Variants in ANKRD54 observed in about 807,000 individuals in gnomAD.
ANKRD54 encodes ankyrin repeat domain 54.
ANKRD54 carries 26 observed loss-of-function variants against 36.2 expected under a neutral mutation model. The ratio of observed to expected loss-of-function variants is 0.72; its 90% CI spans 0.53 to 1.00. ANKRD54 has a LOEUF of 1.00. Among genes scored for constraint, ANKRD54 ranks in the 50% least tolerant of loss-of-function variants. The pLI, the probability that ANKRD54 is intolerant of heterozygous loss-of-function variation, is 0.00. For synonymous variants in ANKRD54, 209 were observed against 188.4 expected, an observed-to-expected ratio of 1.11 and a Z score of -0.89; for missense variants, 384 against 424.3, an observed-to-expected ratio of 0.91 and a Z score of 0.83.
chr22:37,849,267 C>T, upstream of ANKRD54: 1 of 734,368 alleles, frequency 1.4e-6, no homozygotes, highest in Non-Finnish European at 2.4e-6. Flanking sequence ...GGTGGGGTTA[C>T]AGGTGTGAGC....
intron 4 of ANKRD54, 86 bp from the exon 5 acceptor site, chr22:37,833,292 C>T (rs941550472): frequency 1.3e-6 from 2 of 1,534,994 alleles, no homozygotes; most frequent in Admixed American, 1.9e-5. Flanking sequence ...GGCTGTGTCT[C>T]CCAGACGCCT....
At position 37,844,113 on chromosome 22, in the gene ANKRD54, G is replaced by A. The variant is rs1924643861; in HGVS notation, c.126C>T (p.Phe42=). ...CGCCGCCGCCGCCCAGCGCAGACCC[G>A]AAGTCAGCGAAGGAGAAGAGGCCCT... The part of the protein sequence containing the change: ...DAEGLFSFAD[F]GSALGGGGAG... The change falls in exon 1 of 8, where the codon TTC becomes TTT. Residue 42 remains phenylalanine (F), a synonymous_variant. Transcript: ENST00000215941. The A allele has an allele frequency of 1.3e-6, 2 of 1,487,780 alleles. No individual in the cohort carries two copies. The highest frequency in any genetic ancestry group is 8.9e-7 in the Non-Finnish European group (1 of 1,126,416). The allele number at this position is 1,487,780 out of a possible 1,614,324, so 92.2% of individuals were successfully genotyped here. A position where few individuals can be genotyped will look rare whatever the true frequency, so the allele number is the denominator to read the frequency against.
At chr22:37,845,644 G>A (rs1924794160), upstream of ANKRD54, among the ~76,000 whole-genome samples, 1 of 152,174 alleles carries the variant, frequency 6.6e-6, no homozygotes, top group South Asian at 2.1e-4. Flanking sequence ...GCCAAAATGG[G>A]CAGATGACAA....
chr22:37,845,340 CAAAT>C (rs1295149070), upstream of ANKRD54, among the ~76,000 whole-genome samples: 2 of 152,178 alleles, frequency 1.3e-5, no homozygotes, highest in African/African-American at 4.8e-5. Flanking sequence ...GACCAGGAAA[CAAAT>C]AAGTGTTCCT....
chr22:37,846,273 A>G (rs1010039201), upstream of ANKRD54, among the ~76,000 whole-genome samples: 3 of 152,146 alleles, frequency 2.0e-5, no homozygotes, highest in Admixed American at 1.3e-4. Context: ...TCATTGTACT[A>G]TATGGAAAAA....
At chr22:37,848,403 C>CG (rs1555913136), upstream of ANKRD54, 2 of 142,080 alleles carry the variant, frequency 1.4e-5, no homozygotes, top group African/African-American at 5.2e-5. Flanking sequence ...TTTTTTTTTT[C>CG]TTTTTTTTTT....
intron 4 of ANKRD54, 64 bp from the exon 5 acceptor site, chr22:37,833,270 T>G: frequency 3.1e-6 from 5 of 1,590,014 alleles, no homozygotes; most frequent in Non-Finnish European, 4.3e-6. Flanking sequence ...GCGTGGCCAC[T>G]GGAGGGAGCA....
intron 4 of ANKRD54, 45 bp downstream of exon 4, chr22:37,833,639 T>A: frequency 1.2e-6 from 2 of 1,606,780 alleles, no homozygotes; most frequent in Non-Finnish European, 1.7e-6. Context: ...AAAGAGCCTT[T>A]CTTTGCTGCA....
chr22:37,833,693 G>C lies in ANKRD54; in HGVS notation c.538C>G (p.Leu180Val). ...CTTCTGACATGCTTACCCAGGTGCA[G>C]TGGCGTGTTCCCCAGCCCATCTCGC... is the stretch of plus-strand genomic sequence containing the variant. Reference protein sequence around the residue: ...NQRDGLGNTPLHLAACTNHVP... With the variant: ...NQRDGLGNTPVHLAACTNHVP... The change falls in exon 4 of 8, where the codon CTG becomes GTG. Residue 180 changes from leucine (L) to valine (V), a missense_variant. Leu to Val is a conservative substitution (Grantham distance 32). Transcript: ENST00000215941. 1.2e-6 allele frequency: 2 copies of C among 1,614,124 alleles called. No homozygotes were observed. The highest frequency in any genetic ancestry group is 1.7e-6 in the Non-Finnish European group (2 of 1,179,992).
intron 3 of ANKRD54, among the ~76,000 whole-genome samples, chr22:37,836,504 AGAG>A (rs1284505620): frequency 2.0e-5 from 3 of 151,038 alleles, no homozygotes; most frequent in Non-Finnish European, 4.4e-5. Flanking sequence ...AGTTCATAAA[AGAG>A]GATGTAAAAA....
At chr22:37,842,937 A>G (rs1924460398) in intron 1 of ANKRD54, among the ~76,000 whole-genome samples, 1 of 152,228 alleles carries the variant, frequency 6.6e-6, no homozygotes, top group Admixed American at 6.5e-5. Flanking sequence ...GCCACTTGCT[A>G]TGTGACCTGG....
In ANKRD54 at chr22:37,831,041, T is replaced by G. The variant is rs977656250; in HGVS notation, c.*902A>C. 2.0e-5 allele frequency: 3 copies of G among 152,252 alleles called. No individual in the cohort carries two copies. Among genetic ancestry groups the G allele is most frequent in the African/African-American group, 7.2e-5 (3 of 41,420 alleles). 9.4% of individuals were successfully genotyped at this position (152,252 alleles called of 1,614,324 possible). On this transcript the variant is annotated 3_prime_UTR_variant, in exon 8 of 8. Transcript: ENST00000215941. The stretch of plus-strand genomic sequence containing the variant: ...CTTGAGCTGCCCTCCTCAACTCCAG[T>G]TTCCTGCTCCATCGCTACACCTCCA...
chr22:37,843,869 G>A, intron 1 of ANKRD54, 42 bp downstream of exon 1: 1 of 1,188,754 alleles, frequency 8.4e-7, no homozygotes, highest in Non-Finnish European at 1.0e-6. Flanking sequence ...CCCTCGCCCG[G>A]GCTGCCCCGC....
chr22:37,844,016 C>T lies in ANKRD54; in HGVS notation c.223G>A (p.Asp75Asn), dbSNP rs1198276620. 4.2e-6 allele frequency: 6 copies of T among 1,432,100 alleles called. No homozygotes were observed. The highest frequency in any genetic ancestry group is 5.5e-6 in the Non-Finnish European group (6 of 1,097,826). The allele number at this position is 1,432,100 out of a possible 1,614,324, so 88.7% of individuals were successfully genotyped here. A position where few individuals can be genotyped will look rare whatever the true frequency, so the allele number is the denominator to read the frequency against. The change falls in exon 1 of 8, where the codon GAT (aspartate) becomes AAT (asparagine). Residue 75 changes from aspartate to asparagine, a missense_variant. Asp to Asn is a conservative substitution (Grantham distance 23). This residue lies in a region of ANKRD54 where 195 missense variants were observed against 177.7 expected (regional missense o/e 1.10). Coordinates refer to ENST00000215941, the MANE Select transcript of ANKRD54 (RefSeq NM_138797.4). ...CGCAGCTCGTCGCGCGGCTCCGCATCCTGCTGCCACAGGACGTGCAAGTAG... is the reference window on the plus strand; with the variant it reads ...CGCAGCTCGTCGCGCGGCTCCGCATTCTGCTGCCACAGGACGTGCAAGTAG... Reference protein sequence around the residue: ...LRYLHVLWQQDAEPRDELRCK... With the variant: ...LRYLHVLWQQNAEPRDELRCK...
At chr22:37,835,789 G>A (rs1199725435) in intron 3 of ANKRD54, among the ~76,000 whole-genome samples, 1 of 152,198 alleles carries the variant, frequency 6.6e-6, no homozygotes, top group East Asian at 1.9e-4. Context: ...CTGGATGACA[G>A]AGTGAGACTT....
intron 1 of ANKRD54, among the ~76,000 whole-genome samples, chr22:37,842,472 GCC>G (rs1003616205): frequency 6.6e-6 from 1 of 152,320 alleles, no homozygotes; most frequent in South Asian, 2.1e-4. Context: ...TGTTCTGCCA[GCC>G]CCGAGTTATT....
rs765900391 is a variant in ANKRD54 at position 37,832,941 on chromosome 22, A to G, written c.720+17T>C. The G allele has an allele frequency of 6.2e-7, 1 of 1,612,718 alleles. No homozygotes were observed. The highest frequency in any genetic ancestry group is 1.1e-5 in the South Asian group (1 of 91,080). The stretch of plus-strand genomic sequence containing the variant: ...GCTGCCTTGGTGCCGTGGTCTCCAC[A>G]CAGAAGGGGTACTCACCTGCTTCAC... On this transcript the variant is annotated intron_variant, in intron 6 of 7. Transcript: ENST00000215941.
intron 1 of ANKRD54, among the ~76,000 whole-genome samples, chr22:37,843,448 T>A (rs58203934): frequency 6.6e-6 from 1 of 151,606 alleles, no homozygotes; most frequent in African/African-American, 2.4e-5. Flanking sequence ...AATAAATAAA[T>A]AAAAATAAAA....
intron 3 of ANKRD54, among the ~76,000 whole-genome samples, chr22:37,836,447 CAAAAAAAAA>C (rs760828902): frequency 1.8e-4 from 4 of 22,638 alleles, no homozygotes; most frequent in African/African-American, 5.9e-4. Context: ...AACTCTGTCT[CAAAAAAAAA>C]AAAAAAAAAA....
Sources: allele counts gnomAD v4.1 joint callset (sites outside exome capture counted in the v4.1 genomes callset), GRCh38; gene constraint gnomAD v4.1.1; regional missense constraint gnomAD v4.1.1; transcripts MANE v1.5; gene names NCBI Gene and HGNC (gene_info 2026-07-23, HGNC 2026-07-21).